The following CLASP2 variants were observed in gnomAD, a reference collection of about 807,000 sequenced individuals.
CLASP2 encodes CLIP-associating protein 2.
CLASP2 carries 47 observed loss-of-function variants against 194.4 expected under a neutral mutation model. The observed-to-expected ratio is 0.24, with a 90% CI of 0.19 to 0.31. CLASP2 has a LOEUF of 0.31. Among genes scored for constraint, CLASP2 ranks in the 10% least tolerant of loss-of-function variants. CLASP2 has a pLI of 1.00. For synonymous variants in CLASP2, 619 were observed against 633.5 expected (o/e 0.98, Z 0.34); for missense variants, 1,445 against 1,823.6 (o/e 0.79, Z 3.78).
chr3:33,646,517 T>C (rs2082309835), intron 7 of CLASP2, among the ~76,000 whole-genome samples: 1 of 152,108 alleles, frequency 6.6e-6, no homozygotes, highest in Non-Finnish European at 1.5e-5. Flanking sequence ...GCTACTGTTA[T>C]GTTAAAAAAA....
chr3:33,525,339 A>C (rs940438936), intron 34 of CLASP2, among the ~76,000 whole-genome samples: 1 of 152,170 alleles, frequency 6.6e-6, no homozygotes, highest in Non-Finnish European at 1.5e-5. Context: ...GCTGACCAGA[A>C]GTAGCTAGTG....
At chr3:33,604,369 G>C (rs1448326935) in intron 16 of CLASP2, among the ~76,000 whole-genome samples, 160 bp from the exon 17 acceptor site, 1 of 149,358 alleles carries the variant, frequency 6.7e-6, no homozygotes, top group Non-Finnish European at 1.5e-5. Flanking sequence ...CCAGGCTACA[G>C]TGTAGTCCCA....
At chr3:33,606,057 C>G (rs1290048289) in intron 16 of CLASP2, among the ~76,000 whole-genome samples, 1 of 151,992 alleles carries the variant, frequency 6.6e-6, no homozygotes, top group African/African-American at 2.4e-5. Context: ...GCTAGAGAGA[C>G]AGAAAACAGG....
rs150889402 is a variant in CLASP2 at position 33,507,369 on chromosome 3, T to C, written c.4317+3189A>G. On this transcript the variant is annotated intron_variant, in intron 37 of 38. Transcript: ENST00000682230. ...CCTACATTCTGAATTTGACAGAATA[T>C]ACCCTTAAGGTACAATTTAACATGC... Among the ~76,000 whole-genome samples the C allele has an allele frequency of 9.3e-4, 142 of 152,398 alleles. 1 individual carries two copies. The highest frequency in any genetic ancestry group is 6.8e-3 in the Middle Eastern group (2 of 294).
chr3:33,664,929 C>T (rs1187690184), intron 6 of CLASP2, among the ~76,000 whole-genome samples: 1 of 151,860 alleles, frequency 6.6e-6, no homozygotes, highest in Non-Finnish European at 1.5e-5. Flanking sequence ...GCAAAACACA[C>T]ATCCCTACCA....
chr3:33,627,179 AT>A (rs1434159252), intron 9 of CLASP2, 99 bp from the exon 10 acceptor site: 1 of 687,342 alleles, frequency 1.5e-6, no homozygotes, highest in East Asian at 2.8e-5. Flanking sequence ...TATTAAGTTT[AT>A]TTCCCATTCT....
chr3:33,626,890 T>C (rs1182667344), intron 10 of CLASP2, 98 bp downstream of exon 10: 1 of 665,932 alleles, frequency 1.5e-6, no homozygotes, highest in South Asian at 2.0e-5. Flanking sequence ...CTCTATTTTA[T>C]AAGTGAATAC....
At chr3:33,552,645 A>T (rs2060222482) in intron 29 of CLASP2, among the ~76,000 whole-genome samples, 1 of 152,198 alleles carries the variant, frequency 6.6e-6, no homozygotes. Context: ...ATACATAGTG[A>T]AACGTTTCTC....
intron 8 of CLASP2, chr3:33,644,480 C>A (rs1040007678): frequency 7.5e-5 from 26 of 345,340 alleles, no homozygotes; most frequent in African/African-American, 2.2e-4. Context: ...AACAAAAAAA[C>A]CCCAAAAAAC....
At chr3:33,530,579 GCA>G (rs1417246827) in intron 34 of CLASP2, among the ~76,000 whole-genome samples, 1 of 152,146 alleles carries the variant, frequency 6.6e-6, no homozygotes, top group Non-Finnish European at 1.5e-5. Flanking sequence ...TATACAGTTG[GCA>G]GTGCAGGTTT....
At chr3:33,597,423 G>A (rs912975093) in intron 18 of CLASP2, among the ~76,000 whole-genome samples, 1 of 152,144 alleles carries the variant, frequency 6.6e-6, no homozygotes, top group African/African-American at 2.4e-5. Context: ...GCTGGCCTCT[G>A]GTAATCGTTT....
chr3:33,514,683 G>GA (rs1419317550), intron 36 of CLASP2: 7 of 355,186 alleles, frequency 2.0e-5, no homozygotes, highest in Non-Finnish European at 2.3e-5. Context: ...TATCTACCTA[G>GA]AAAAAAAGAA....
intron 1 of CLASP2, among the ~76,000 whole-genome samples, chr3:33,697,475 G>C (rs1218381102): frequency 6.6e-6 from 1 of 152,174 alleles, no homozygotes; most frequent in African/African-American, 2.4e-5. Flanking sequence ...GCACAACATT[G>C]CAACAATTAT....
chr3:33,562,790 G>C (rs954494909), intron 27 of CLASP2, among the ~76,000 whole-genome samples: 1 of 152,150 alleles, frequency 6.6e-6, no homozygotes, highest in African/African-American at 2.4e-5. Context: ...CTATTTTATG[G>C]ATGAGGAAAC....
In CLASP2 at chr3:33,585,041, C is replaced by T. The variant is rs4333044; in HGVS notation, c.2069-121G>A. The stretch of plus-strand genomic sequence containing the variant: ...AACTGTGACAGTATGGCAGGTTCTA[C>T]GCTCAAAGGAAATAGACCGAGGAAG... On this transcript the variant is annotated intron_variant, in intron 21 of 38. Coordinates refer to ENST00000682230, the MANE Select transcript of CLASP2 (RefSeq NM_001365631.1). 7.3e-3 allele frequency: 5,545 copies of T among 762,814 alleles called. 84 individuals carry two copies. The highest frequency in any genetic ancestry group is 0.053 in the Admixed American group (1,560 of 29,670). The allele number at this position is 762,814 out of a possible 1,614,324, so 47.3% of individuals were successfully genotyped here. A position where few individuals can be genotyped will look rare whatever the true frequency, so the allele number is the denominator to read the frequency against.
chr3:33,573,478 T>C (rs766475902), intron 24 of CLASP2, 124 bp from the exon 25 acceptor site: 24 of 957,674 alleles, frequency 2.5e-5, no homozygotes, highest in Non-Finnish European at 3.7e-5. Flanking sequence ...CTCCTAATCA[T>C]TGTAATAACA....
intron 9 of CLASP2, among the ~76,000 whole-genome samples, chr3:33,628,865 A>G (rs2154290108): frequency 6.6e-6 from 1 of 152,242 alleles, no homozygotes; most frequent in South Asian, 2.1e-4. Flanking sequence ...GCAAGTAGAG[A>G]AGGATGTGCC....
chr3:33,709,119 C>T (rs1414499382), intron 1 of CLASP2, among the ~76,000 whole-genome samples: 2 of 152,162 alleles, frequency 1.3e-5, no homozygotes, highest in Non-Finnish European at 2.9e-5. Flanking sequence ...TGTAGTTCCA[C>T]TGTTTATTTT....
intron 30 of CLASP2, among the ~76,000 whole-genome samples, chr3:33,547,763 T>G (rs2154153955): frequency 6.6e-6 from 1 of 152,116 alleles, no homozygotes; most frequent in Middle Eastern, 3.4e-3. Flanking sequence ...GAGCCTGGGC[T>G]TTTCTTTGTG....
Sources: allele counts gnomAD v4.1 joint callset (sites outside exome capture counted in the v4.1 genomes callset), GRCh38; gene constraint gnomAD v4.1.1; transcripts MANE v1.5; gene names NCBI Gene and HGNC (gene_info 2026-07-23, HGNC 2026-07-21).